The following DST variants were observed in gnomAD, a reference collection of about 807,000 sequenced individuals.
DST encodes the protein bullous pemphigoid antigen.
A neutral mutation model predicts 875.2 loss-of-function variants in DST; 253 were observed. The ratio of observed to expected loss-of-function variants is 0.29; its 90% CI spans 0.26 to 0.32. The LOEUF (loss-of-function observed/expected upper bound fraction) is 0.32, where lower values mean the gene tolerates loss of function less well. DST is among the 10% of genes least tolerant of loss of function. The pLI, the probability that DST is intolerant of heterozygous loss-of-function variation, is 1.00. For synonymous variants in DST, 3,124 were observed against 3,197.1 expected (o/e 0.98, Z 0.77); for missense variants, 8,287 against 9,111.6 (o/e 0.91, Z 3.68).
intron 55 of DST, among the ~76,000 whole-genome samples, chr6:56,563,882 T>C (rs575306842): frequency 3.3e-5 from 5 of 152,306 alleles, no homozygotes; most frequent in African/African-American, 1.2e-4. Flanking sequence ...GATCAGATAG[T>C]TGCGGATGTG....
chr6:56,938,108 C>CTCTCTATATATATATA (rs1383243392), intron 2 of DST, among the ~76,000 whole-genome samples: 25 of 120,748 alleles, frequency 2.1e-4, no homozygotes, highest in African/African-American at 8.4e-4. Flanking sequence ...CTCTCTCTCT[C>CTCTCTATATATATATA]TATATATATA....
chr6:56,524,048 T>C (rs998943626), intron 69 of DST, among the ~76,000 whole-genome samples: 2 of 152,102 alleles, frequency 1.3e-5, no homozygotes, highest in East Asian at 1.9e-4. Flanking sequence ...AATCACTCCT[T>C]TTTATATTTC....
At chr6:56,734,190 T>C (rs111253220) in intron 5 of DST, among the ~76,000 whole-genome samples, 13 of 152,236 alleles carry the variant, frequency 8.5e-5, no homozygotes, top group Non-Finnish European at 1.8e-4. Context: ...TTTTATCGCT[T>C]GTGATTCTCA....
chr6:56,573,953 C>T, intron 50 of DST, 66 bp from the exon 51 acceptor site: 1 of 1,148,268 alleles, frequency 8.7e-7, no homozygotes, highest in Admixed American at 2.4e-5. Context: ...TTCAAAAACA[C>T]ATGAAGGTGA....
intron 36 of DST, chr6:56,615,616 G>C: frequency 6.2e-7 from 1 of 1,614,070 alleles, no homozygotes; most frequent in Non-Finnish European, 8.5e-7. Context: ...CTTTTTCTAA[G>C]GCTTCTTTAT....
At chr6:56,592,965 C>T (rs2098306507) in intron 48 of DST, among the ~76,000 whole-genome samples, 1 of 151,420 alleles carries the variant, frequency 6.6e-6, no homozygotes, top group African/African-American at 2.4e-5. Context: ...ATTAAAATAA[C>T]ATACTGATCA....
intron 88 of DST, chr6:56,485,101 G>A (rs2095518228): frequency 4.0e-6 from 2 of 500,404 alleles, no homozygotes; most frequent in East Asian, 6.7e-5. Context: ...AAAAGCAAAA[G>A]TATTTCACTG....
chr6:56,851,502 C>T lies in DST; in HGVS notation c.520G>A (p.Gly174Arg). 6.2e-7 allele frequency: 1 copy of T among 1,614,034 alleles called. No individual in the cohort carries two copies. Among genetic ancestry groups the T allele is most frequent in the Non-Finnish European group, 8.5e-7 (1 of 1,179,890 alleles). Residue 174 changes from glycine to arginine, a missense_variant, in exon 4 of 104, where the codon GGA becomes AGA. Gly to Arg is a moderately radical substitution (Grantham distance 125). Coordinates refer to ENST00000680361, the MANE Select transcript of DST (RefSeq NM_001374736.1). ...QKSGSASPAPGDTLPWNLPKH... is the reference protein window; with the variant it reads ...QKSGSASPAPRDTLPWNLPKH... Reference sequence around the variant, plus strand: ...GGCAAATTCCAGGGTAAGGTGTCTCCCGGAGCTGGGGATGCGGAGCCAGAT... The same window carrying T: ...GGCAAATTCCAGGGTAAGGTGTCTCTCGGAGCTGGGGATGCGGAGCCAGAT...
chr6:56,782,152 A>T (rs2099695413), intron 4 of DST, among the ~76,000 whole-genome samples: 1 of 152,144 alleles, frequency 6.6e-6, no homozygotes, highest in Non-Finnish European at 1.5e-5. Context: ...TTTTTGCATC[A>T]ATGTTCATCA....
intron 3 of DST, among the ~76,000 whole-genome samples, chr6:56,865,770 G>A (rs1048454550): frequency 6.6e-6 from 1 of 152,094 alleles, no homozygotes; most frequent in Non-Finnish European, 1.5e-5. Context: ...AATCTTTGAT[G>A]GGATCTGATG....
chr6:56,570,969 G>A (rs933008398), intron 53 of DST, among the ~76,000 whole-genome samples: 18 of 152,168 alleles, frequency 1.2e-4, no homozygotes, highest in Non-Finnish European at 5.9e-5. Context: ...CTACAGTCAC[G>A]TTTATGGATG....
chr6:56,582,667 C>T (rs1170231335), intron 49 of DST, among the ~76,000 whole-genome samples: 1 of 151,062 alleles, frequency 6.6e-6, no homozygotes, highest in Non-Finnish European at 1.5e-5. Flanking sequence ...CATATGTATA[C>T]ATGTGCCATG....
At chr6:56,678,185 A>G (rs570281649) in intron 9 of DST, among the ~76,000 whole-genome samples, 1 of 152,300 alleles carries the variant, frequency 6.6e-6, no homozygotes, top group East Asian at 1.9e-4. Context: ...GTGTGCCTGG[A>G]CACCCAAATG....
chr6:56,727,358 G>A lies in DST; in HGVS notation c.687+7870C>T, dbSNP rs556947719. On this transcript the variant is annotated intron_variant, in intron 5 of 103. Transcript: ENST00000680361. ...GCACATTTCGTCAGGACCTCCTGAG[G>A]CTATGTCATGGGCACACATCCTCAA... Among the ~76,000 whole-genome samples, 6 of 152,230 alleles carry A rather than the reference G, an allele frequency of 3.9e-5. No individual in the cohort carries two copies. The East Asian group carries it at 1.2e-3, about 29-fold the overall frequency.
chr6:56,774,288 T>C (rs1425112045), intron 4 of DST, among the ~76,000 whole-genome samples: 2 of 152,134 alleles, frequency 1.3e-5, no homozygotes, highest in African/African-American at 4.8e-5. Flanking sequence ...TATTGAAATG[T>C]TCTGTTACGG....
chr6:56,921,618 C>T (rs755110139), intron 2 of DST, among the ~76,000 whole-genome samples: 2 of 152,164 alleles, frequency 1.3e-5, no homozygotes, highest in Admixed American at 6.5e-5. Flanking sequence ...AATAATGAAG[C>T]ACATTTAACT....
rs1303028091 is a variant in DST, at chr6:56,787,909, C to T, written c.626-52620G>A. Among the ~76,000 whole-genome samples, 11 of 151,790 alleles carry T rather than the reference C, an allele frequency of 7.2e-5. No homozygotes were observed. The South Asian group carries it at 1.0e-3, about 14-fold the overall frequency. Reference sequence around the variant, plus strand: ...ATCCCAGCACTTTGGGAGGCCAAGGCGGGTGGATCACCTGAGGTCACGAGT... The same window carrying T: ...ATCCCAGCACTTTGGGAGGCCAAGGTGGGTGGATCACCTGAGGTCACGAGT... On this transcript the variant is annotated intron_variant, in intron 4 of 103. Transcript: ENST00000680361.
chr6:56,516,395 A>C (rs1447144950), intron 71 of DST, among the ~76,000 whole-genome samples: 1 of 152,170 alleles, frequency 6.6e-6, no homozygotes, highest in Non-Finnish European at 1.5e-5. Context: ...TATTTTTCAC[A>C]TCAGAGTCTT....
chr6:56,741,649 G>A (rs902608273), intron 4 of DST, among the ~76,000 whole-genome samples: 1 of 152,172 alleles, frequency 6.6e-6, no homozygotes, highest in African/African-American at 2.4e-5. Flanking sequence ...TCAAAAGGGA[G>A]TATTCCAGAT....
Sources: gnomAD v4.1 joint callset for allele counts (sites outside exome capture counted in the v4.1 genomes callset) on GRCh38, gnomAD v4.1.1 for gene constraint, MANE v1.5 for transcripts, NCBI Gene and HGNC (gene_info 2026-07-23, HGNC 2026-07-21) for gene names.